Variants in GALNT10 observed in about 807,000 individuals in gnomAD.
GALNT10 encodes the protein GalNAc transferase 10.
A neutral mutation model predicts 75.0 loss-of-function variants in GALNT10; 41 were observed. The observed-to-expected ratio is 0.55, with a 90% CI of 0.43 to 0.71. The LOEUF (loss-of-function observed/expected upper bound fraction) is 0.71. Among genes scored for constraint, GALNT10 ranks in the 30% least tolerant of loss-of-function variants. The pLI is 0.00. For synonymous variants in GALNT10, 302 were observed against 313.0 expected (o/e 0.96, Z 0.37); for missense variants, 727 against 818.5 (o/e 0.89, Z 1.36).
chr5:154,218,046 G>C, intron 1 of GALNT10: 2 of 985,148 alleles, frequency 2.0e-6, no homozygotes, highest in Non-Finnish European at 2.4e-6. Flanking sequence ...CCCCACCCCA[G>C]CCTGGGCACT....
At chr5:154,247,423 T>C (rs911347284) in intron 1 of GALNT10, among the ~76,000 whole-genome samples, 1 of 152,238 alleles carries the variant, frequency 6.6e-6, no homozygotes, top group Non-Finnish European at 1.5e-5. Context: ...TTCATGATAA[T>C]TGATTCTTCC....
At chr5:154,223,538 A>G (rs1361587670) in intron 1 of GALNT10, among the ~76,000 whole-genome samples, 1 of 152,254 alleles carries the variant, frequency 6.6e-6, no homozygotes, top group African/African-American at 2.4e-5. Context: ...TCTGTGCCAG[A>G]AAGCACCATG....
intron 1 of GALNT10, among the ~76,000 whole-genome samples, chr5:154,276,163 C>A (rs779573360): frequency 8.5e-5 from 13 of 152,116 alleles, no homozygotes; most frequent in Non-Finnish European, 1.8e-4. Context: ...CTGACAAGGC[C>A]AAAATCAATG....
chr5:154,309,568 A>G (rs1202399949), intron 3 of GALNT10, among the ~76,000 whole-genome samples: 1 of 152,170 alleles, frequency 6.6e-6, no homozygotes, highest in Non-Finnish European at 1.5e-5. Context: ...TGGAGTAGCC[A>G]TGGCTGAATT....
At chr5:154,217,535 C>T (rs1471476831) in intron 1 of GALNT10, among the ~76,000 whole-genome samples, 1 of 152,190 alleles carries the variant, frequency 6.6e-6, no homozygotes, top group Non-Finnish European at 1.5e-5. Flanking sequence ...GCGTCCCTGT[C>T]TCGTCTCAAG....
At chr5:154,207,232 G>A (rs1003799205) in intron 1 of GALNT10, among the ~76,000 whole-genome samples, 2 of 152,186 alleles carry the variant, frequency 1.3e-5, no homozygotes, top group African/African-American at 4.8e-5. Context: ...ACATATTGAA[G>A]GAAGAAGAAC....
intron 1 of GALNT10, among the ~76,000 whole-genome samples, chr5:154,274,953 C>T (rs549258565): frequency 6.6e-6 from 1 of 152,192 alleles, no homozygotes; most frequent in East Asian, 1.9e-4. Context: ...GGCCACTCCC[C>T]CTTCACAACA....
At chr5:154,324,326 C>A (rs868136996) in intron 3 of GALNT10, among the ~76,000 whole-genome samples, 2 of 152,202 alleles carry the variant, frequency 1.3e-5, no homozygotes, top group Non-Finnish European at 1.5e-5. Flanking sequence ...GTTATGCCCC[C>A]TCCCAATGAC....
At chr5:154,317,865 C>A (rs1754617885) in intron 3 of GALNT10, among the ~76,000 whole-genome samples, 1 of 152,244 alleles carries the variant, frequency 6.6e-6, no homozygotes. Flanking sequence ...GTAGGAATCT[C>A]TCTCTCCAAC....
At chr5:154,269,614 A>G (rs1753831652) in intron 1 of GALNT10, among the ~76,000 whole-genome samples, 1 of 152,240 alleles carries the variant, frequency 6.6e-6, no homozygotes, top group Admixed American at 6.5e-5. Context: ...GGCTGGGGCC[A>G]GTGGACTTGG....
chr5:154,374,635 G>A (rs1452165968), intron 4 of GALNT10, among the ~76,000 whole-genome samples: 2 of 152,236 alleles, frequency 1.3e-5, no homozygotes, highest in African/African-American at 4.8e-5. Flanking sequence ...TAGGCACAGT[G>A]CCTGGCCCAG....
At chr5:154,252,953 T>C (rs1753546669) in intron 1 of GALNT10, among the ~76,000 whole-genome samples, 1 of 151,216 alleles carries the variant, frequency 6.6e-6, no homozygotes, top group Admixed American at 6.6e-5. Flanking sequence ...TTTCACTTAT[T>C]TGGGGCATTA....
At chr5:154,286,645 T>G (rs1754116658) in intron 1 of GALNT10, among the ~76,000 whole-genome samples, 1 of 152,208 alleles carries the variant, frequency 6.6e-6, no homozygotes, top group Non-Finnish European at 1.5e-5. Context: ...TTGATATGGT[T>G]CTGCCCTTGG....
intron 1 of GALNT10, among the ~76,000 whole-genome samples, chr5:154,254,075 T>C (rs974700795): frequency 6.6e-6 from 1 of 152,186 alleles, no homozygotes; most frequent in African/African-American, 2.4e-5. Context: ...GGCTGTTTTT[T>C]TGTTATGCTC....
Position 154,402,921 on chromosome 5 carries a change from C to T in GALNT10, c.1057-1183C>T, listed in dbSNP as rs1248402818. ...CCTGTGGGTTACACAGGTCAGTCCTCATGTGACTCACTGGGAGGCATCTAC... is the reference window on the plus strand; with the variant it reads ...CCTGTGGGTTACACAGGTCAGTCCTTATGTGACTCACTGGGAGGCATCTAC... On this transcript the variant is annotated intron_variant, in intron 7 of 11. Transcript: ENST00000297107. This position sits in a 1 kb window ranked among gnomAD's most constrained non-coding sequence, Gnocchi z 4.2. 2 of 151,702 alleles carry T rather than the reference C, an allele frequency of 1.3e-5. No individual in the cohort carries two copies. The highest frequency in any genetic ancestry group is 4.9e-5 in the African/African-American group (2 of 41,228). 9.4% of individuals were successfully genotyped at this position (151,702 alleles called of 1,614,324 possible).
chr5:154,410,859 C>T (rs187664435), intron 9 of GALNT10, among the ~76,000 whole-genome samples: 2 of 152,356 alleles, frequency 1.3e-5, no homozygotes, highest in East Asian at 3.9e-4. Context: ...TCAGATTTCA[C>T]TTACAAAACA....
chr5:154,294,014 A>G (rs1754237693), intron 1 of GALNT10, among the ~76,000 whole-genome samples: 1 of 152,152 alleles, frequency 6.6e-6, no homozygotes, highest in South Asian at 2.1e-4. Context: ...CACAAGTGTA[A>G]AATACACACT....
intron 1 of GALNT10, among the ~76,000 whole-genome samples, chr5:154,272,384 C>CT (rs1482027300): frequency 6.6e-6 from 1 of 152,168 alleles, no homozygotes; most frequent in East Asian, 1.9e-4. Context: ...TAATTTCTTC[C>CT]CAGATCTATG....
chr5:154,393,108 C>T (rs762904688), intron 7 of GALNT10: 2 of 147,670 alleles, frequency 1.4e-5, no homozygotes, highest in African/African-American at 2.5e-5. Context: ...GATCTCACAC[C>T]GTTGCCCAGG....
Sources: gnomAD v4.1 joint callset for allele counts (sites outside exome capture counted in the v4.1 genomes callset) on GRCh38, gnomAD v4.1.1 for gene constraint, Gnocchi (gnomAD v3.1) non-coding constraint, MANE v1.5 for transcripts, NCBI Gene and HGNC (gene_info 2026-07-23, HGNC 2026-07-21) for gene names.